SPOCK3: variants seen among roughly 807,000 people sequenced by gnomAD.
The protein encoded by SPOCK3 is testican-3.
In SPOCK3, 30 loss-of-function variants were observed where a neutral mutation model predicts 56.6. The observed-to-expected ratio is 0.53, with a 90% confidence interval of 0.40 to 0.72. SPOCK3 has a LOEUF of 0.72. Ranked by LOEUF, SPOCK3 falls within the 30% of genes least tolerant of loss-of-function variation. The probability of loss-of-function intolerance (pLI) is 0.00; values close to 1 mark genes in which losing one functional copy is unlikely to be tolerated. For synonymous variants in SPOCK3, 196 were observed against 183.3 expected (o/e 1.07, Z -0.56); for missense variants, 527 against 530.0 (o/e 0.99, Z 0.06).
chr4:167,212,259 CAG>C (rs971308817), intron 2 of SPOCK3, among the ~76,000 whole-genome samples: 6 of 149,974 alleles, frequency 4.0e-5, no homozygotes, highest in Admixed American at 2.7e-4. Context: ...TTTTTTGAAA[CAG>C]AGTTTCTTTC....
intron 3 of SPOCK3, among the ~76,000 whole-genome samples, chr4:167,004,123 G>T (rs1749223942): frequency 1.3e-5 from 2 of 152,166 alleles, no homozygotes; most frequent in Admixed American, 1.3e-4. Context: ...TTTGTTGGCA[G>T]AGATGTATAA....
chr4:166,823,140 T>C (rs1053934006), intron 6 of SPOCK3, among the ~76,000 whole-genome samples: 3 of 152,060 alleles, frequency 2.0e-5, no homozygotes, highest in Non-Finnish European at 4.4e-5. Flanking sequence ...ATTTAAAACC[T>C]TCATTGTGAA....
chr4:166,844,691 T>C (rs1227717318), intron 6 of SPOCK3, among the ~76,000 whole-genome samples: 1 of 152,232 alleles, frequency 6.6e-6, no homozygotes, highest in African/African-American at 2.4e-5. Flanking sequence ...GATGTAGATA[T>C]AGATATACAT....
intron 4 of SPOCK3, among the ~76,000 whole-genome samples, chr4:166,994,697 A>G (rs1388430654): frequency 6.6e-6 from 1 of 152,136 alleles, no homozygotes; most frequent in Admixed American, 6.6e-5. Flanking sequence ...CATATATGAG[A>G]AACATGCTTT....
At chr4:167,140,735 T>C (rs1403657689) in intron 2 of SPOCK3, among the ~76,000 whole-genome samples, 2 of 151,868 alleles carry the variant, frequency 1.3e-5, no homozygotes, top group East Asian at 3.9e-4. Flanking sequence ...TCCTGCCACC[T>C]CCCCCAGAGT....
At chr4:166,777,101 CA>C (rs1406541633) in intron 7 of SPOCK3, among the ~76,000 whole-genome samples, 1 of 151,992 alleles carries the variant, frequency 6.6e-6, no homozygotes, top group African/African-American at 2.4e-5. Context: ...TAAATGTAAG[CA>C]AACAAAACAC....
At chr4:166,886,531 A>T (rs2126999453) in intron 6 of SPOCK3, among the ~76,000 whole-genome samples, 1 of 152,284 alleles carries the variant, frequency 6.6e-6, no homozygotes, top group South Asian at 2.1e-4. Context: ...CACATTTCTT[A>T]ATAAGTACAT....
In SPOCK3 at chr4:167,074,634, T is replaced by C. The variant is rs183969783; in HGVS notation, c.190-12097A>G. 1.7e-3 allele frequency among the ~76,000 whole-genome samples: 253 copies of C among 152,014 alleles called. 1 individual carries two copies. Among genetic ancestry groups the C allele is most frequent in the Non-Finnish European group, 2.4e-3 (166 of 67,918 alleles). ...AAAATGACATCCTATCGCTATAGCA[T>C]TGTTTTTGGAGAAGTGAGTCACTAG... On this transcript the variant is annotated intron_variant, in intron 2 of 10. Transcript: ENST00000357545.
At chr4:167,089,478 T>C (rs1415861955) in intron 2 of SPOCK3, among the ~76,000 whole-genome samples, 1 of 152,184 alleles carries the variant, frequency 6.6e-6, no homozygotes, top group Non-Finnish European at 1.5e-5. Flanking sequence ...TATTCTGTGA[T>C]TGGTTACTTT....
intron 4 of SPOCK3, among the ~76,000 whole-genome samples, chr4:166,922,193 C>T (rs749666776): frequency 7.2e-5 from 11 of 152,144 alleles, no homozygotes; most frequent in African/African-American, 2.4e-4. Flanking sequence ...GTAAACCAGT[C>T]CTTGGTGCCA....
intron 4 of SPOCK3, among the ~76,000 whole-genome samples, chr4:166,941,174 T>G (rs1741015428): frequency 6.6e-6 from 1 of 151,374 alleles, no homozygotes; most frequent in Non-Finnish European, 1.5e-5. Context: ...GCCAATCAAT[T>G]TATGCCTCCC....
intron 3 of SPOCK3, among the ~76,000 whole-genome samples, chr4:167,030,726 G>C (rs993498914): frequency 3.3e-5 from 5 of 152,024 alleles, no homozygotes; most frequent in Admixed American, 3.3e-4. Context: ...TACCATATAG[G>C]ACATGGTTGC....
chr4:167,029,293 G>A (rs1199550345), intron 3 of SPOCK3, among the ~76,000 whole-genome samples: 2 of 150,450 alleles, frequency 1.3e-5, no homozygotes, highest in Non-Finnish European at 2.9e-5. Flanking sequence ...AAACATTTTG[G>A]GCTTATAAAA....
At position 167,079,618 on chromosome 4, in the gene SPOCK3, A is replaced by G. The variant is rs143052217; in HGVS notation, c.190-17081T>C. Among the ~76,000 whole-genome samples the G allele has an allele frequency of 2.8e-3, 427 of 152,098 alleles. 1 individual carries two copies. Among genetic ancestry groups the G allele is most frequent in the Non-Finnish European group, 4.4e-3 (301 of 67,940 alleles). ...AAAAACACATAAGAAAGAAAAAAAA[A>G]TCAAATGTAATGGTCAACTTCTCTG... On this transcript the variant is annotated intron_variant, in intron 2 of 10. Transcript: ENST00000357545.
intron 7 of SPOCK3, among the ~76,000 whole-genome samples, chr4:166,769,120 T>A (rs1367681023): frequency 7.1e-6 from 1 of 140,772 alleles, no homozygotes; most frequent in Non-Finnish European, 1.5e-5. Flanking sequence ...AGCTTCTTTT[T>A]GTTGGGTTCA....
intron 6 of SPOCK3, among the ~76,000 whole-genome samples, chr4:166,803,883 A>G (rs1380876206): frequency 6.6e-6 from 1 of 152,130 alleles, no homozygotes; most frequent in Non-Finnish European, 1.5e-5. Flanking sequence ...CTACTGTTTT[A>G]TTAAATGCAA....
intron 6 of SPOCK3, among the ~76,000 whole-genome samples, chr4:166,840,797 T>TTTTTTTTA (rs1245413169): frequency 7.7e-6 from 1 of 130,478 alleles, no homozygotes; most frequent in Non-Finnish European, 1.7e-5. Context: ...TTTTTTTTTT[T>TTTTTTTTA]AGATGCAGTC....
At chr4:167,005,078 C>T (rs72699603) in intron 3 of SPOCK3, among the ~76,000 whole-genome samples, 427 of 152,218 alleles carry the variant, frequency 2.8e-3, no homozygotes, top group Non-Finnish European at 4.9e-3. Flanking sequence ...AGATGGAAAA[C>T]TTATTTTTAT....
rs531887896 is a variant in SPOCK3, at chr4:167,182,482, G to GA, written c.189+51502dup. 9.3e-3 allele frequency among the ~76,000 whole-genome samples: 1,313 copies of GA among 141,110 alleles called. 15 individuals are homozygous for GA. Among genetic ancestry groups the GA allele is most frequent in the African/African-American group, 0.027 (1,033 of 38,758 alleles). The allele number at this position is 141,110 out of a possible 152,430, so 92.6% of individuals were successfully genotyped here. A position where few individuals can be genotyped will look rare whatever the true frequency, so the allele number is the denominator to read the frequency against. ...ATTTGGAAGAAGTCAGAAGTCAATG[G>GA]AAAAAAAAAATATGCAATCATAAAA... On this transcript the variant is annotated intron_variant, in intron 2 of 10. Coordinates refer to ENST00000357545, the MANE Select transcript of SPOCK3 (RefSeq NM_001040159.2).
Sources: gnomAD v4.1 joint callset for allele counts (sites outside exome capture counted in the v4.1 genomes callset) on GRCh38, gnomAD v4.1.1 for gene constraint, MANE v1.5 for transcripts, NCBI Gene and HGNC (gene_info 2026-07-23, HGNC 2026-07-21) for gene names.